The following PDGFD variants were observed in gnomAD, a reference collection of about 807,000 sequenced individuals.
PDGFD encodes the protein platelet derived growth factor D, also known as platelet-derived growth factor D.
Under a neutral mutation model 44.7 loss-of-function variants are expected in PDGFD, and 30 were observed. The ratio of observed to expected loss-of-function variants is 0.67; its 90% CI spans 0.50 to 0.91. The LOEUF is 0.91. PDGFD is among the 40% of genes least tolerant of loss of function. The pLI is 0.00. For missense variants in PDGFD, 445 were observed against 457.8 expected, an observed-to-expected ratio of 0.97 and a Z score of 0.25; for synonymous variants, 173 against 168.4, an observed-to-expected ratio of 1.03 and a Z score of -0.21.
chr11:104,048,352 A>T (rs1053318617), intron 1 of PDGFD, among the ~76,000 whole-genome samples: 1 of 151,900 alleles, frequency 6.6e-6, no homozygotes, highest in African/African-American at 2.4e-5. Flanking sequence ...GAAACATTCA[A>T]GCCCCAGTTC....
intron 1 of PDGFD, among the ~76,000 whole-genome samples, chr11:104,115,444 A>G (rs1005354238): frequency 7.9e-5 from 12 of 151,708 alleles, no homozygotes; most frequent in African/African-American, 2.9e-4. Flanking sequence ...TAATTGATGG[A>G]CATTTGGGTT....
intron 6 of PDGFD, among the ~76,000 whole-genome samples, chr11:103,920,268 G>A (rs975371280): frequency 7.2e-5 from 11 of 152,196 alleles, no homozygotes; most frequent in Non-Finnish European, 1.0e-4. Context: ...AAATAGATGC[G>A]TTCTGTGAGA....
chr11:103,939,632 C>A (rs1194739806), intron 5 of PDGFD, among the ~76,000 whole-genome samples: 1 of 152,036 alleles, frequency 6.6e-6, no homozygotes, highest in East Asian at 1.9e-4. Flanking sequence ...GGTAATGCAG[C>A]AATTTAAGGA....
At chr11:104,007,395 C>G (rs938500960) in intron 1 of PDGFD, among the ~76,000 whole-genome samples, 1 of 152,094 alleles carries the variant, frequency 6.6e-6, no homozygotes, top group Non-Finnish European at 1.5e-5. Flanking sequence ...TATAATAATG[C>G]TTAAGGAGAA....
intron 5 of PDGFD, among the ~76,000 whole-genome samples, chr11:103,937,210 A>C (rs1328113897): frequency 1.3e-5 from 2 of 152,144 alleles, no homozygotes; most frequent in Non-Finnish European, 2.9e-5. Context: ...AATATATTTT[A>C]ATTATTAATT....
At chr11:103,920,839 C>T (rs1238119285) in intron 6 of PDGFD, among the ~76,000 whole-genome samples, 1 of 152,168 alleles carries the variant, frequency 6.6e-6, no homozygotes, top group Non-Finnish European at 1.5e-5. Flanking sequence ...TGGATCATAT[C>T]TTTATTCTTT....
At chr11:104,082,248 A>G (rs1480408930) in intron 1 of PDGFD, among the ~76,000 whole-genome samples, 2 of 151,120 alleles carry the variant, frequency 1.3e-5, no homozygotes, top group Non-Finnish European at 2.9e-5. Context: ...TTAGGTGTAT[A>G]TTTTCTGATG....
chr11:104,145,440 CA>C (rs1425079909), intron 1 of PDGFD, among the ~76,000 whole-genome samples: 3 of 152,138 alleles, frequency 2.0e-5, no homozygotes, highest in Non-Finnish European at 4.4e-5. Flanking sequence ...TTAAGTTTAA[CA>C]CATGTAAATA....
chr11:103,916,623 A>C (rs192521137), intron 6 of PDGFD, among the ~76,000 whole-genome samples: 30 of 152,340 alleles, frequency 2.0e-4, no homozygotes, highest in African/African-American at 7.0e-4. Context: ...ATTCTATTAT[A>C]AAGACACATG....
At chr11:103,946,049 C>A (rs1305950413) in intron 4 of PDGFD, 1 of 152,146 alleles carries the variant, frequency 6.6e-6, no homozygotes, top group Non-Finnish European at 1.5e-5. Flanking sequence ...AATGTGTCTC[C>A]TTCAGCTGAA....
chr11:104,037,237 G>A, intron 1 of PDGFD: 4 of 1,613,780 alleles, frequency 2.5e-6, no homozygotes, highest in South Asian at 2.2e-5. Flanking sequence ...CGGCCTGCAA[G>A]GTCTGGGCAG....
chr11:103,976,624 C>T (rs1859189589), intron 3 of PDGFD, among the ~76,000 whole-genome samples: 1 of 152,064 alleles, frequency 6.6e-6, no homozygotes, highest in East Asian at 1.9e-4. Flanking sequence ...AAATGGAATG[C>T]TTCCAGCTTT....
chr11:103,994,733 C>T (rs942547549), intron 3 of PDGFD, among the ~76,000 whole-genome samples: 1 of 151,878 alleles, frequency 6.6e-6, no homozygotes, highest in Admixed American at 6.6e-5. Context: ...AAAATTGATC[C>T]TAAAAGGCAA....
intron 1 of PDGFD, chr11:104,038,317 G>T (rs377633128): frequency 2.0e-4 from 60 of 299,820 alleles, no homozygotes; most frequent in South Asian, 1.6e-3. Flanking sequence ...TATCCTATCA[G>T]ATTACAGGTG....
intron 1 of PDGFD, among the ~76,000 whole-genome samples, chr11:104,108,221 C>A (rs1329183651): frequency 6.6e-6 from 1 of 150,710 alleles, no homozygotes; most frequent in Admixed American, 6.6e-5. Flanking sequence ...TCTAATTAAA[C>A]TAAAGAGCTT....
At chr11:104,143,122 A>G (rs1021726427) in intron 1 of PDGFD, among the ~76,000 whole-genome samples, 6 of 152,190 alleles carry the variant, frequency 3.9e-5, no homozygotes, top group African/African-American at 7.2e-5. Flanking sequence ...TTCTGTATGA[A>G]AAAATTTTCT....
intron 3 of PDGFD, among the ~76,000 whole-genome samples, chr11:103,973,347 C>T (rs182532109): frequency 6.6e-6 from 1 of 150,840 alleles, no homozygotes; most frequent in East Asian, 2.0e-4. Flanking sequence ...CGAGGTTTCA[C>T]CGTGTTAGCC....
chr11:104,078,061 G>A (rs1439956263), intron 1 of PDGFD, among the ~76,000 whole-genome samples: 1 of 147,014 alleles, frequency 6.8e-6, no homozygotes, highest in Non-Finnish European at 1.5e-5. Flanking sequence ...TTTGATGTAG[G>A]TTTGCATCTG....
chr11:103,999,834 AAGTG>A (rs1452622041), intron 2 of PDGFD, among the ~76,000 whole-genome samples: 1 of 152,230 alleles, frequency 6.6e-6, no homozygotes, highest in East Asian at 1.9e-4. Flanking sequence ...ACAGTTGCAC[AAGTG>A]AGTTTCTGTG....
Sources: gnomAD v4.1 joint callset for allele counts (sites outside exome capture counted in the v4.1 genomes callset) on GRCh38, gnomAD v4.1.1 for gene constraint, MANE v1.5 for transcripts, NCBI Gene and HGNC (gene_info 2026-07-23, HGNC 2026-07-21) for gene names.